FRMPD4: variants seen among roughly 807,000 people sequenced by gnomAD.
FRMPD4 encodes FERM and PDZ domain-containing protein 4.
Under a neutral mutation model 94.1 loss-of-function variants are expected in FRMPD4, and 22 were observed. The observed-to-expected ratio is 0.23, with a 90% confidence interval of 0.17 to 0.33. FRMPD4 has a LOEUF of 0.33. Among genes scored for constraint, FRMPD4 ranks in the 10% least tolerant of loss-of-function variants. The pLI, the probability that FRMPD4 is intolerant of heterozygous loss-of-function variation, is 1.00. For missense variants in FRMPD4, 1,111 were observed against 1,339.9 expected (o/e 0.83, Z 2.67); for synonymous variants, 631 against 548.6 (o/e 1.15, Z -2.10).
At chrX:11,956,684 C>T (rs781590139) in intron 3 of FRMPD4, among the ~76,000 whole-genome samples, 11 of 112,297 alleles carry the variant, frequency 9.8e-5, no homozygotes, top group Non-Finnish European at 1.9e-4. Flanking sequence ...TTGTAAATAG[C>T]ATCTTTTTTT....
chrX:12,653,965 C>T (rs2059626073), intron 4 of FRMPD4, among the ~76,000 whole-genome samples: 1 of 111,798 alleles, frequency 8.9e-6, no homozygotes, highest in South Asian at 3.7e-4. Context: ...CAGGTTTTCA[C>T]CATGTTGGTC....
chrX:12,209,028 G>A (rs940224504), intron 1 of FRMPD4, among the ~76,000 whole-genome samples: 25 of 111,824 alleles, frequency 2.2e-4, no homozygotes, highest in African/African-American at 7.8e-4. Flanking sequence ...CATAAAAACT[G>A]TTTGTGAGAT....
intron 1 of FRMPD4, among the ~76,000 whole-genome samples, chrX:12,153,150 A>T (rs972568741): frequency 9.1e-6 from 1 of 110,435 alleles, no homozygotes; most frequent in Non-Finnish European, 1.9e-5. Context: ...GTTAGCCAGG[A>T]TGGTCTCGAT....
At position 11,993,001 on chromosome X, in the gene FRMPD4, G is replaced by GGTTTT. The variant is rs986006190; in HGVS notation, c.95+114999_95+115003dup. Among the ~76,000 whole-genome samples, 3 of 95,912 alleles carry GGTTTT rather than the reference G, an allele frequency of 3.1e-5. No individual in the cohort carries two copies. In the South Asian group the frequency reaches 1.4e-3, roughly 44 times the overall value. 83.3% of individuals were successfully genotyped at this position (95,912 alleles called of 115,157 possible). On this transcript the variant is annotated intron_variant, in intron 3 of 18. Transcript: ENST00000640291. The stretch of plus-strand genomic sequence containing the variant: ...CCTGGTCCTTTGTTTTTTTTTTTTT[G>GGTTTT]GTTTTGTTTTGTTTTGTTTTTGCAA...
intron 3 of FRMPD4, among the ~76,000 whole-genome samples, chrX:11,951,824 A>G (rs960142282): frequency 8.9e-6 from 1 of 111,774 alleles, no homozygotes. Flanking sequence ...GCTTGAGCCC[A>G]GGAGTTCAAG....
chrX:12,542,040 G>A (rs1182970294), intron 2 of FRMPD4, among the ~76,000 whole-genome samples: 4 of 111,945 alleles, frequency 3.6e-5, no homozygotes, highest in African/African-American at 1.3e-4. Flanking sequence ...AAATTCAACA[G>A]CCCTTCATGC....
chrX:12,322,144 G>A (rs375782590), intron 1 of FRMPD4, among the ~76,000 whole-genome samples: 1 of 111,618 alleles, frequency 9.0e-6, no homozygotes, highest in Admixed American at 9.5e-5. Context: ...CTTCTCTGGG[G>A]ATTGGAAGGA....
At chrX:12,156,361 G>A (rs1277116792) in intron 1 of FRMPD4, among the ~76,000 whole-genome samples, 2 of 111,551 alleles carry the variant, frequency 1.8e-5, no homozygotes, top group East Asian at 2.8e-4. Flanking sequence ...TGAGACTCTG[G>A]GAGGAAAGAA....
chrX:12,688,675 G>T (rs2060051617), intron 7 of FRMPD4, among the ~76,000 whole-genome samples: 1 of 110,656 alleles, frequency 9.0e-6, no homozygotes, highest in African/African-American at 3.3e-5. Flanking sequence ...TAAAGTATTT[G>T]TTGCCACACA....
At chrX:12,667,606 T>C (rs918020077) in intron 4 of FRMPD4, among the ~76,000 whole-genome samples, 6 of 112,468 alleles carry the variant, frequency 5.3e-5, no homozygotes, top group Admixed American at 9.4e-5. Flanking sequence ...TTTAGAGGGA[T>C]TGTAATACTG....
At chrX:11,992,121 C>G (rs2054467768) in intron 3 of FRMPD4, among the ~76,000 whole-genome samples, 1 of 97,009 alleles carries the variant, frequency 1.0e-5, no homozygotes, top group Non-Finnish European at 2.1e-5. Flanking sequence ...TTTGTTTGCA[C>G]GCAGGCACCT....
intron 3 of FRMPD4, among the ~76,000 whole-genome samples, chrX:12,024,902 A>C (rs1328029085): frequency 9.0e-6 from 1 of 111,643 alleles, no homozygotes; most frequent in African/African-American, 3.3e-5. Context: ...CATTGTATGA[A>C]TATTCCGCAA....
At chrX:12,518,147 C>T (rs1400406007) in intron 2 of FRMPD4, among the ~76,000 whole-genome samples, 3 of 111,627 alleles carry the variant, frequency 2.7e-5, no homozygotes, top group Admixed American at 1.9e-4. Context: ...ATGGCCGCTG[C>T]CCTTCTCCAT....
At chrX:11,930,298 T>C (rs1013625138) in intron 3 of FRMPD4, among the ~76,000 whole-genome samples, 13 of 110,247 alleles carry the variant, frequency 1.2e-4, no homozygotes, top group African/African-American at 6.6e-5. Context: ...CCAAAAGATA[T>C]GCCCACCAGG....
intron 2 of FRMPD4, among the ~76,000 whole-genome samples, chrX:12,558,075 A>T (rs1212255122): frequency 8.9e-6 from 1 of 112,616 alleles, no homozygotes; most frequent in Non-Finnish European, 1.9e-5. Flanking sequence ...CCAAAAAGCA[A>T]GTCTCTTGCC....
At chrX:12,163,965 T>A (rs1601646815) in intron 1 of FRMPD4, among the ~76,000 whole-genome samples, 1 of 112,201 alleles carries the variant, frequency 8.9e-6, no homozygotes, top group South Asian at 3.7e-4. Flanking sequence ...GCATACACTA[T>A]TGTTTCCGTT....
In FRMPD4 at chrX:12,436,449, A is replaced by G. The variant is rs182739520; in HGVS notation, c.42-62231A>G. ...GGAGGGTTGTTTGGTTGGTTTTCCA[A>G]ACAAGTTGGTTTAACTTCTTTTACA... On this transcript the variant is annotated intron_variant, in intron 1 of 16. Transcript: ENST00000675598. Among the ~76,000 whole-genome samples the G allele has an allele frequency of 4.2e-3, 463 of 111,340 alleles. 3 individuals are homozygous for G. The highest frequency in any genetic ancestry group is 5.1e-3 in the Non-Finnish European group (270 of 53,018).
intron 3 of FRMPD4, among the ~76,000 whole-genome samples, chrX:11,933,278 C>T (rs1405711955): frequency 8.9e-6 from 1 of 112,005 alleles, no homozygotes; most frequent in East Asian, 2.8e-4. Context: ...GATTTCTCAC[C>T]ATTGGTATTT....
In FRMPD4 at chrX:12,719,574, A is replaced by G. The variant is rs774542784; in HGVS notation, c.3964+784A>G. 1.7e-4 allele frequency among the ~76,000 whole-genome samples: 19 copies of G among 112,030 alleles called. No individual in the cohort carries two copies. The South Asian group carries it at 7.1e-3, about 42-fold the overall frequency. On this transcript the variant is annotated intron_variant, in intron 16 of 16. Transcript: ENST00000675598. The stretch of plus-strand genomic sequence containing the variant: ...AATAGTGTCTTTTCCATACAGGTCA[A>G]TGGAAGTTAGTGACATCTTATATTG...
Sources: allele counts gnomAD v4.1 joint callset (sites outside exome capture counted in the v4.1 genomes callset), GRCh38; gene constraint gnomAD v4.1.1; transcripts MANE v1.5; gene names NCBI Gene and HGNC (gene_info 2026-07-23, HGNC 2026-07-21).